The following PDLIM5 variants were observed in gnomAD, a reference collection of about 807,000 sequenced individuals.
PDLIM5 encodes PDZ and LIM domain protein 5.
Under a neutral mutation model 64.2 loss-of-function variants are expected in PDLIM5, and 34 were observed. The observed-to-expected ratio is 0.53, with a 90% CI of 0.40 to 0.71. The LOEUF (loss-of-function observed/expected upper bound fraction) is 0.71. PDLIM5 is among the 30% of genes least tolerant of loss of function. The pLI is 0.00. For missense variants in PDLIM5, 683 were observed against 733.6 expected (o/e 0.93, Z 0.80); for synonymous variants, 253 against 269.1 (o/e 0.94, Z 0.59).
At chr4:94,546,246 T>G (rs1373648791) in intron 3 of PDLIM5, among the ~76,000 whole-genome samples, 2 of 152,206 alleles carry the variant, frequency 1.3e-5, no homozygotes, top group African/African-American at 4.8e-5. Flanking sequence ...TCCCTGGTTA[T>G]TAATTTCTCC....
chr4:94,493,913 G>T (rs2126123104), intron 2 of PDLIM5, among the ~76,000 whole-genome samples: 1 of 152,172 alleles, frequency 6.6e-6, no homozygotes, highest in Middle Eastern at 3.4e-3. Context: ...TTGCAGGTTG[G>T]TGTAATTTTT....
At position 94,666,213 on chromosome 4, in the gene PDLIM5, CT is replaced by C. The variant is rs1743074662; in HGVS notation, c.*2149del. ...AATATTTGTTTAACCTCCCTAAGAA[CT>C]TTCAAGGCATCTGTCCTGAAAGCTG... is the stretch of plus-strand genomic sequence containing the variant. On this transcript the variant is annotated 3_prime_UTR_variant, in exon 13 of 13. Coordinates refer to ENST00000317968, the MANE Select transcript of PDLIM5 (RefSeq NM_006457.5). 7.8e-6 allele frequency: 4 copies of C among 516,118 alleles called. No individual in the cohort carries two copies. The South Asian group carries it at 1.3e-4, about 17-fold the overall frequency. The allele number at this position is 516,118 out of a possible 1,614,324, so 32.0% of individuals were successfully genotyped here.
At chr4:94,598,303 G>A (rs147999930) in intron 7 of PDLIM5, among the ~76,000 whole-genome samples, 28 of 152,216 alleles carry the variant, frequency 1.8e-4, no homozygotes, top group Non-Finnish European at 4.0e-4. Flanking sequence ...AAAATGATAA[G>A]CAGTAGTTCT....
chr4:94,582,660 A>G, intron 5 of PDLIM5: 1 of 1,161,806 alleles, frequency 8.6e-7, no homozygotes, highest in Non-Finnish European at 1.3e-6. Flanking sequence ...TCCGGGGAAC[A>G]TCAATGTCTT....
intron 2 of PDLIM5, among the ~76,000 whole-genome samples, chr4:94,473,405 G>A (rs910999240): frequency 6.6e-6 from 1 of 152,136 alleles, no homozygotes; most frequent in Non-Finnish European, 1.5e-5. Context: ...GGGATTAAAG[G>A]TTTGTGCCAC....
chr4:94,547,375 T>C (rs1732415829), intron 3 of PDLIM5, among the ~76,000 whole-genome samples: 1 of 152,156 alleles, frequency 6.6e-6, no homozygotes. Flanking sequence ...ACTTGCATTG[T>C]TTTTGTCTTC....
chr4:94,520,439 A>T (rs758317985), intron 2 of PDLIM5, among the ~76,000 whole-genome samples: 14 of 152,196 alleles, frequency 9.2e-5, no homozygotes, highest in Non-Finnish European at 1.5e-4. Flanking sequence ...AGCTATTCAG[A>T]CCTGAAAAAC....
At chr4:94,554,250 C>T (rs958826556) in intron 3 of PDLIM5, among the ~76,000 whole-genome samples, 1 of 151,992 alleles carries the variant, frequency 6.6e-6, no homozygotes, top group Non-Finnish European at 1.5e-5. Context: ...TGTTGTTTTC[C>T]TTATTGTCTG....
intron 3 of PDLIM5, among the ~76,000 whole-genome samples, chr4:94,564,546 G>A (rs75372468): frequency 0.011 from 1,707 of 151,554 alleles, 15 homozygotes; most frequent in South Asian, 0.029. Context: ...GTCCTTTCCT[G>A]TGTCTTGCTT....
At chr4:94,534,548 G>A (rs766060067) in intron 3 of PDLIM5, among the ~76,000 whole-genome samples, 16 of 152,128 alleles carry the variant, frequency 1.1e-4, no homozygotes, top group Non-Finnish European at 1.3e-4. Flanking sequence ...ATGCTACAGG[G>A]GTTCAAAGGA....
At chr4:94,469,267 TA>T (rs1442031138) in intron 2 of PDLIM5, among the ~76,000 whole-genome samples, 1 of 152,140 alleles carries the variant, frequency 6.6e-6, no homozygotes, top group Non-Finnish European at 1.5e-5. Context: ...ATAAGCAATG[TA>T]ATTTAATAAG....
At chr4:94,584,863 G>A in intron 5 of PDLIM5, 1 of 654,196 alleles carries the variant, frequency 1.5e-6, no homozygotes, top group South Asian at 1.9e-5. Flanking sequence ...ATTTCAAGAA[G>A]TTTGATTTTG....
chr4:94,584,389 A>C (rs549409603), intron 5 of PDLIM5: 1 of 152,352 alleles, frequency 6.6e-6, no homozygotes, highest in Non-Finnish European at 1.5e-5. Context: ...CTTTTGAAAT[A>C]AAAATGAATG....
At chr4:94,663,868 T>A (rs1479490430) in intron 12 of PDLIM5, 110 bp from the exon 13 acceptor site, 5 of 1,061,488 alleles carry the variant, frequency 4.7e-6, no homozygotes, top group Non-Finnish European at 6.5e-6. Flanking sequence ...AAGTGTTTTG[T>A]CATATTATCC....
chr4:94,537,161 G>A (rs1265628171), intron 3 of PDLIM5, among the ~76,000 whole-genome samples: 1 of 151,802 alleles, frequency 6.6e-6, no homozygotes, highest in African/African-American at 2.4e-5. Context: ...TAATTTCTTG[G>A]GTAATATAGT....
chr4:94,664,031 C>T lies in PDLIM5; in HGVS notation c.1755C>T (p.Pro585=), dbSNP rs1742941642. ...GQTFFSKKDK[P]LCKKHAHSVN... ...CCTTTTTCTCCAAGAAGGACAAGCC[C>T]CTGTGTAAGAAACATGCTCATTCTG... is the stretch of plus-strand genomic sequence containing the variant. The change falls in exon 13 of 13, where the codon CCC becomes CCT. Residue 585 remains proline (P), a synonymous_variant. Coordinates refer to ENST00000317968, the MANE Select transcript of PDLIM5 (RefSeq NM_006457.5). 1 of 1,607,764 alleles carries T rather than the reference C, an allele frequency of 6.2e-7. No individual in the cohort carries two copies. Among genetic ancestry groups the T allele is most frequent in the Non-Finnish European group, 8.5e-7 (1 of 1,175,948 alleles).
At chr4:94,463,696 C>T (rs1333974020) in intron 2 of PDLIM5, among the ~76,000 whole-genome samples, 5 of 152,086 alleles carry the variant, frequency 3.3e-5, no homozygotes, top group East Asian at 1.9e-4. Context: ...TAAGTAGACC[C>T]GTGCAGTTCA....
chr4:94,641,192 A>G (rs1459004685), intron 9 of PDLIM5, among the ~76,000 whole-genome samples: 1 of 152,234 alleles, frequency 6.6e-6, no homozygotes, highest in Non-Finnish European at 1.5e-5. Flanking sequence ...GGCAATAACA[A>G]ATGGTCCTTT....
intron 5 of PDLIM5, among the ~76,000 whole-genome samples, chr4:94,576,412 G>A (rs1735264761): frequency 6.6e-6 from 1 of 152,256 alleles, no homozygotes; most frequent in Non-Finnish European, 1.5e-5. Flanking sequence ...TACAGTTGCT[G>A]TCACCTTACA....
Sources: allele counts gnomAD v4.1 joint callset (sites outside exome capture counted in the v4.1 genomes callset), GRCh38; gene constraint gnomAD v4.1.1; transcripts MANE v1.5; gene names NCBI Gene and HGNC (gene_info 2026-07-23, HGNC 2026-07-21).